Variants in KDM4C observed in about 807,000 individuals in gnomAD.
The protein encoded by KDM4C is lysine demethylase 4C.
Under a neutral mutation model 129.3 loss-of-function variants are expected in KDM4C, and 81 were observed. That is an observed-to-expected ratio of 0.63 (90% confidence interval 0.52 to 0.75). The LOEUF (loss-of-function observed/expected upper bound fraction) is 0.75, where lower values mean the gene tolerates loss of function less well. Ranked by LOEUF, KDM4C falls within the 30% of genes least tolerant of loss-of-function variation. The pLI is 0.00. For missense variants in KDM4C, 1,457 were observed against 1,304.0 expected (o/e 1.12, Z -1.81); for synonymous variants, 573 against 456.1 (o/e 1.26, Z -3.26).
chr9:7,144,075 C>T (rs1842003888), intron 19 of KDM4C, among the ~76,000 whole-genome samples: 1 of 152,014 alleles, frequency 6.6e-6, no homozygotes, highest in Non-Finnish European at 1.5e-5. Context: ...TTCATTTTTG[C>T]ATGTATACTC....
At chr9:6,997,397 C>G (rs559884202) in intron 12 of KDM4C, among the ~76,000 whole-genome samples, 56 of 152,268 alleles carry the variant, frequency 3.7e-4, no homozygotes, top group African/African-American at 1.2e-3. Flanking sequence ...AATCCAGAAA[C>G]AAACAAAAAC....
At chr9:6,905,586 A>C (rs529866323) in intron 8 of KDM4C, among the ~76,000 whole-genome samples, 1 of 152,190 alleles carries the variant, frequency 6.6e-6, no homozygotes, top group African/African-American at 2.4e-5. Flanking sequence ...CCCTAAAATG[A>C]TTCTTTTGAG....
At chr9:6,877,487 A>G (rs1843739920) in intron 5 of KDM4C, among the ~76,000 whole-genome samples, 4 of 152,254 alleles carry the variant, frequency 2.6e-5, no homozygotes, top group Admixed American at 6.5e-5. Flanking sequence ...GGCGTGAGCC[A>G]CCACACCTGG....
intron 8 of KDM4C, among the ~76,000 whole-genome samples, chr9:6,940,689 G>A (rs1271205150): frequency 6.6e-6 from 1 of 152,090 alleles, no homozygotes; most frequent in Non-Finnish European, 1.5e-5. Context: ...CATTTCACTA[G>A]CATTGTATTT....
At chr9:7,092,682 A>T (rs1190990971) in intron 17 of KDM4C, among the ~76,000 whole-genome samples, 1 of 152,204 alleles carries the variant, frequency 6.6e-6, no homozygotes, top group African/African-American at 2.4e-5. Context: ...ATGGAGGTGC[A>T]GGAATTCCAG....
At chr9:6,728,942 A>C (rs1392305839) in intron 1 of KDM4C, among the ~76,000 whole-genome samples, 1 of 151,994 alleles carries the variant, frequency 6.6e-6, no homozygotes, top group African/African-American at 2.4e-5. Context: ...GCGGTGGTTC[A>C]CGCCTGTAAT....
intron 19 of KDM4C, among the ~76,000 whole-genome samples, chr9:7,147,488 G>T (rs955248595): frequency 7.2e-5 from 11 of 152,124 alleles, no homozygotes; most frequent in African/African-American, 2.4e-4. Context: ...TCTCCATTTT[G>T]CAACATAAAT....
chr9:6,882,216 A>T (rs1353053590), intron 6 of KDM4C, among the ~76,000 whole-genome samples: 1 of 152,230 alleles, frequency 6.6e-6, no homozygotes, highest in Admixed American at 6.5e-5. Context: ...TACAATTTTT[A>T]TACTTGTTAT....
intron 8 of KDM4C, among the ~76,000 whole-genome samples, chr9:6,930,617 AAT>A (rs1295360700): frequency 1.2e-5 from 1 of 83,558 alleles, no homozygotes; most frequent in African/African-American, 3.4e-5. Context: ...AACATGTTAT[AAT>A]ATATAACATA....
intron 17 of KDM4C, among the ~76,000 whole-genome samples, chr9:7,070,415 C>G (rs898175312): frequency 6.6e-6 from 1 of 152,122 alleles, no homozygotes; most frequent in Non-Finnish European, 1.5e-5. Context: ...CCCTGATACT[C>G]AACTCTTGCA....
intron 4 of KDM4C, among the ~76,000 whole-genome samples, chr9:6,840,370 G>A (rs1325244379): frequency 6.6e-6 from 1 of 151,444 alleles, no homozygotes; most frequent in African/African-American, 2.4e-5. Context: ...ACTGAACCTG[G>A]CCTTTGTTCT....
rs200755944 is a variant in KDM4C, at chr9:6,820,698, A to ATC, written c.435+5969_435+5970dup. Among the ~76,000 whole-genome samples the ATC allele has an allele frequency of 2.6e-3, 365 of 140,626 alleles. 17 individuals are homozygous for ATC. The highest frequency in any genetic ancestry group is 0.015 in the Middle Eastern group (4 of 260). 92.3% of individuals were successfully genotyped at this position (140,626 alleles called of 152,430 possible). ...TGGAAATCCCCTGGCTTGTGTCTTG[A>ATC]TCTCTCTCTCTCTCTCTTTTTTTTT... On this transcript the variant is annotated intron_variant, in intron 4 of 21. Coordinates refer to ENST00000381309, the MANE Select transcript of KDM4C (RefSeq NM_015061.6).
chr9:7,136,405 A>T (rs1430873304), intron 19 of KDM4C, among the ~76,000 whole-genome samples: 1 of 152,236 alleles, frequency 6.6e-6, no homozygotes, highest in African/African-American at 2.4e-5. Context: ...GGAAACTGCC[A>T]AACTGTTTTC....
rs1374321483 is a variant in KDM4C at position 6,865,154 on chromosome 9, G to A, written c.630-14858G>A. Among the ~76,000 whole-genome samples the A allele has an allele frequency of 5.3e-5, 8 of 151,952 alleles. 1 individual carries two copies. The East Asian group carries it at 7.7e-4, about 15-fold the overall frequency. On this transcript the variant is annotated intron_variant, in intron 5 of 21. Transcript: ENST00000381309. Reference sequence around the variant, plus strand: ...CTCCCGAGTAGCTGGGACTGCAGGTGCCCGCCACCACACCTGGCTAATTTT... The same window carrying A: ...CTCCCGAGTAGCTGGGACTGCAGGTACCCGCCACCACACCTGGCTAATTTT...
intron 3 of KDM4C, among the ~76,000 whole-genome samples, chr9:6,810,410 A>G (rs980606821): frequency 4.6e-5 from 7 of 152,186 alleles, no homozygotes; most frequent in African/African-American, 1.7e-4. Context: ...AATGGTATAA[A>G]TTTTTAGGCA....
At chr9:6,826,315 A>G (rs948799103) in intron 4 of KDM4C, among the ~76,000 whole-genome samples, 6 of 152,082 alleles carry the variant, frequency 3.9e-5, no homozygotes, top group African/African-American at 1.4e-4. Flanking sequence ...TTTTGTTAAT[A>G]TAAACATTAC....
At chr9:6,775,978 G>C (rs558180168) in intron 1 of KDM4C, among the ~76,000 whole-genome samples, 1 of 152,136 alleles carries the variant, frequency 6.6e-6, no homozygotes, top group African/African-American at 2.4e-5. Context: ...AATGTCTCAA[G>C]GATACAAAAT....
In KDM4C at chr9:7,146,827, G is replaced by T. The variant is rs186736210; in HGVS notation, c.2782-18411G>T. On this transcript the variant is annotated intron_variant, in intron 19 of 21. Coordinates refer to ENST00000381309, the MANE Select transcript of KDM4C (RefSeq NM_015061.6). ...CTACCAGGCTGTTTCAGATTCCAAT[G>T]AGGATAACAAACACGATTGTCCTCT... Among the ~76,000 whole-genome samples, 423 of 152,288 alleles carry T rather than the reference G, an allele frequency of 2.8e-3. 1 individual carries two copies. The highest frequency in any genetic ancestry group is 9.3e-3 in the African/African-American group (388 of 41,566).
intron 4 of KDM4C, among the ~76,000 whole-genome samples, chr9:6,832,563 C>G (rs1211760580): frequency 1.4e-5 from 2 of 138,934 alleles, no homozygotes; most frequent in Admixed American, 7.3e-5. Context: ...GTAGCTGGGA[C>G]TACAGGCGCC....
Sources: gnomAD v4.1 joint callset for allele counts (sites outside exome capture counted in the v4.1 genomes callset) on GRCh38, gnomAD v4.1.1 for gene constraint, MANE v1.5 for transcripts, NCBI Gene and HGNC (gene_info 2026-07-23, HGNC 2026-07-21) for gene names.